PIP4K2A: variants seen among roughly 807,000 people sequenced by gnomAD.
The protein encoded by PIP4K2A is phosphatidylinositol 5-phosphate 4-kinase type-2 alpha.
A neutral mutation model predicts 42.9 loss-of-function variants in PIP4K2A; 14 were observed. The ratio of observed to expected loss-of-function variants is 0.33; its 90% confidence interval spans 0.22 to 0.51. The LOEUF is 0.51. Among genes scored for constraint, PIP4K2A ranks in the 20% least tolerant of loss-of-function variants. The probability of loss-of-function intolerance (pLI) is 0.97; values close to 1 mark genes in which losing one functional copy is unlikely to be tolerated. For missense variants in PIP4K2A, 434 were observed against 519.8 expected (o/e 0.83, Z 1.61); for synonymous variants, 192 against 192.2 (o/e 1.00, Z 0.01).
intron 1 of PIP4K2A, among the ~76,000 whole-genome samples, chr10:22,668,719 A>G (rs764660477): frequency 2.0e-5 from 3 of 152,248 alleles, no homozygotes; most frequent in African/African-American, 7.2e-5. Flanking sequence ...AGAAAATACT[A>G]GAAAATATTC....
At chr10:22,610,436 C>T in intron 1 of PIP4K2A, among the ~76,000 whole-genome samples, 1 of 152,228 alleles carries the variant, frequency 6.6e-6, no homozygotes, top group Non-Finnish European at 1.5e-5. Context: ...ACTATTTTTG[C>T]ATGTTGACTT....
At chr10:22,653,020 T>G (rs192486031) in intron 1 of PIP4K2A, among the ~76,000 whole-genome samples, 5 of 152,050 alleles carry the variant, frequency 3.3e-5, no homozygotes, top group African/African-American at 1.2e-4. Context: ...CTCGAGCCCG[T>G]AAGTTTGAGG....
intron 1 of PIP4K2A, among the ~76,000 whole-genome samples, chr10:22,657,572 G>A (rs1004089475): frequency 3.3e-5 from 5 of 152,106 alleles, no homozygotes; most frequent in African/African-American, 1.2e-4. Flanking sequence ...GCACTGCTTT[G>A]ACACGAAAAA....
At chr10:22,574,444 G>GTTTTTTTTTTTTTTTTT (rs765734098) in intron 4 of PIP4K2A, among the ~76,000 whole-genome samples, 1 of 142,350 alleles carries the variant, frequency 7.0e-6, no homozygotes, top group African/African-American at 2.6e-5. Context: ...TTCATTTTCT[G>GTTTTTTTTTTTTTTTTT]TTTTTTTTTT....
At position 22,607,971 on chromosome 10, in the gene PIP4K2A, G is replaced by C; in HGVS notation, c.295C>G (p.Arg99Gly). ...ATTCCAAACCTCTCCCGCAGGTTAC[G>C]GAAGACCATCGGGCAGTATTCCTTA... ...KFKEYCPMVF[R>G]NLRERFGIDD... The change falls in exon 3 of 10, where the codon CGT becomes GGT. Residue 99 changes from arginine (R) to glycine (G), a missense_variant. Around this residue, in one of 2 missense-constraint regions of PIP4K2A, gnomAD observed 395 missense variants for 444.5 expected, o/e 0.89. Coordinates refer to ENST00000376573, the MANE Select transcript of PIP4K2A (RefSeq NM_005028.5). The C allele has an allele frequency of 2.5e-6, 4 of 1,613,336 alleles. No homozygotes were observed. Among genetic ancestry groups the C allele is most frequent in the Non-Finnish European group, 3.4e-6 (4 of 1,179,474 alleles).
intron 1 of PIP4K2A, among the ~76,000 whole-genome samples, chr10:22,649,389 C>T (rs1838946716): frequency 6.6e-6 from 1 of 152,210 alleles, no homozygotes; most frequent in African/African-American, 2.4e-5. Context: ...TCATCTTCCA[C>T]ATAAAAGGGC....
intron 4 of PIP4K2A, among the ~76,000 whole-genome samples, chr10:22,590,149 T>TA (rs1837479778): frequency 6.6e-6 from 1 of 152,214 alleles, no homozygotes; most frequent in African/African-American, 2.4e-5. Context: ...AGGAAGAACC[T>TA]GACCATACTG....
chr10:22,667,922 G>C (rs1225245085), intron 1 of PIP4K2A, among the ~76,000 whole-genome samples: 5 of 133,618 alleles, frequency 3.7e-5, no homozygotes, highest in African/African-American at 1.4e-4. Context: ...TGTGTAGAGA[G>C]GGGGAGGGAG....
At chr10:22,584,581 T>G (rs1362840635) in intron 4 of PIP4K2A, among the ~76,000 whole-genome samples, 1 of 151,670 alleles carries the variant, frequency 6.6e-6, no homozygotes, top group African/African-American at 2.4e-5. Flanking sequence ...TGCTGGGGAG[T>G]GTGCCGGGCA....
At chr10:22,575,334 C>A (rs1412646080) in intron 4 of PIP4K2A, among the ~76,000 whole-genome samples, 1 of 152,136 alleles carries the variant, frequency 6.6e-6, no homozygotes, top group Non-Finnish European at 1.5e-5. Flanking sequence ...ACAGTCCCTG[C>A]CCCAGGGGAC....
rs1185616078 is a variant in PIP4K2A at position 22,714,575 on chromosome 10, G to C, written c.-249C>G. On this transcript the variant is annotated 5_prime_UTR_variant, in exon 1 of 10. Coordinates refer to ENST00000376573, the MANE Select transcript of PIP4K2A (RefSeq NM_005028.5). ...CGCCGCGGATCCGCGCTCAGCCCGC[G>C]GCTGGACCCGGCGCGCGGCGAGCGG... is the stretch of plus-strand genomic sequence containing the variant. 1.4e-5 allele frequency: 2 copies of C among 146,718 alleles called. No individual in the cohort carries two copies. Among genetic ancestry groups the C allele is most frequent in the Admixed American group, 6.8e-5 (1 of 14,746 alleles). The allele number at this position is 146,718 out of a possible 1,614,324, so 9.1% of individuals were successfully genotyped here.
In PIP4K2A at chr10:22,694,031, G is replaced by A. The variant is rs117743839; in HGVS notation, c.144+20152C>T. The A allele has an allele frequency of 7.8e-3, 1,194 of 152,216 alleles. 12 individuals are homozygous for A. Among genetic ancestry groups the A allele is most frequent in the Middle Eastern group, 0.017 (5 of 294 alleles). The allele number at this position is 152,216 out of a possible 1,614,324, so 9.4% of individuals were successfully genotyped here. Reference sequence around the variant, plus strand: ...GGCTGGATGCAGAGCCCATGGATACGGCGGACTACCTTTTCATACCCCTGG... The same window carrying A: ...GGCTGGATGCAGAGCCCATGGATACAGCGGACTACCTTTTCATACCCCTGG... On this transcript the variant is annotated intron_variant, in intron 1 of 9. Transcript: ENST00000376573.
intron 1 of PIP4K2A, among the ~76,000 whole-genome samples, chr10:22,644,313 A>T (rs1387552775): frequency 1.3e-5 from 2 of 152,062 alleles, no homozygotes; most frequent in Admixed American, 6.5e-5. Context: ...ACTTCTCTCC[A>T]CCACTGCCTC....
chr10:22,541,020 CCA>C (rs1836094869), intron 8 of PIP4K2A, among the ~76,000 whole-genome samples: 1 of 152,196 alleles, frequency 6.6e-6, no homozygotes, highest in South Asian at 2.1e-4. Flanking sequence ...AACTGATGAG[CCA>C]CAGTTTTTAT....
chr10:22,668,550 C>T (rs1013116754), intron 1 of PIP4K2A, among the ~76,000 whole-genome samples: 3 of 152,168 alleles, frequency 2.0e-5, no homozygotes, highest in African/African-American at 7.2e-5. Context: ...TACAATTGGG[C>T]TGTATTTCAA....
rs1407676080 is a variant in PIP4K2A at position 22,552,898 on chromosome 10, A to G, written c.679-2126T>C. 3.3e-5 allele frequency among the ~76,000 whole-genome samples: 5 copies of G among 152,270 alleles called. No individual in the cohort carries two copies. In the East Asian group the frequency reaches 7.7e-4, roughly 24 times the overall value. On this transcript the variant is annotated intron_variant, in intron 6 of 9. Transcript: ENST00000376573. ...AGAGGGTGTTTTTTTCTGGTTTTGT[A>G]TAAATGTGAGAAACCTGAAGGCAGA...
chr10:22,587,194 C>T (rs151257077), intron 4 of PIP4K2A, among the ~76,000 whole-genome samples: 2 of 152,200 alleles, frequency 1.3e-5, no homozygotes, highest in East Asian at 3.9e-4. Context: ...GAATATAATT[C>T]CAACTGTGGC....
At chr10:22,631,301 T>C (rs1302998084) in intron 1 of PIP4K2A, among the ~76,000 whole-genome samples, 1 of 152,032 alleles carries the variant, frequency 6.6e-6, no homozygotes, top group African/African-American at 2.4e-5. Context: ...ATGGGGCCCT[T>C]AGGAGGTATT....
chr10:22,575,461 T>G (rs777562737), intron 4 of PIP4K2A, among the ~76,000 whole-genome samples: 3 of 152,212 alleles, frequency 2.0e-5, no homozygotes, highest in Admixed American at 6.5e-5. Context: ...CAGAAAGCTA[T>G]GTCTCACAGC....
Sources: allele counts gnomAD v4.1 joint callset (sites outside exome capture counted in the v4.1 genomes callset), GRCh38; gene constraint gnomAD v4.1.1; regional missense constraint gnomAD v4.1.1; transcripts MANE v1.5; gene names NCBI Gene and HGNC (gene_info 2026-07-23, HGNC 2026-07-21).